SCARA3: variants seen among roughly 807,000 people sequenced by gnomAD.
SCARA3 encodes the protein cellular stress response gene protein.
In SCARA3, 39 loss-of-function variants were observed where a neutral mutation model predicts 47.0. The observed-to-expected ratio is 0.83, with a 90% confidence interval of 0.64 to 1.08. SCARA3 has a LOEUF of 1.08. Among genes scored for constraint, SCARA3 ranks in the 50% least tolerant of loss-of-function variants. The pLI, the probability that SCARA3 is intolerant of heterozygous loss-of-function variation, is 0.00. For synonymous variants in SCARA3, 356 were observed against 334.1 expected (o/e 1.07, Z -0.71); for missense variants, 724 against 792.3 (o/e 0.91, Z 1.04).
intron 5 of SCARA3, among the ~76,000 whole-genome samples, chr8:27,669,324 G>T (rs1394351842): frequency 2.0e-5 from 3 of 152,264 alleles, no homozygotes; most frequent in Non-Finnish European, 4.4e-5. Context: ...CTCCGCCTCT[G>T]TATGGCTCTC....
intron 1 of SCARA3, among the ~76,000 whole-genome samples, chr8:27,644,188 CA>C (rs778711765): frequency 1.3e-5 from 2 of 152,172 alleles, no homozygotes; most frequent in African/African-American, 2.4e-5. Flanking sequence ...TAGTGGTCAC[CA>C]CTATTTTATG....
Position 27,649,813 on chromosome 8 carries a change from G to A in SCARA3, c.106+13G>A, listed in dbSNP as rs1801593466. ...TGCACCCAGAAGGGTAAGGACTCTG[G>A]GGCTGCCCCTGATCTCCGCTCTGGG... On this transcript the variant is annotated intron_variant, in intron 2 of 5. Coordinates refer to ENST00000301904, the MANE Select transcript of SCARA3 (RefSeq NM_016240.3). The A allele has an allele frequency of 6.2e-7, 1 of 1,608,194 alleles. No individual in the cohort carries two copies. The highest frequency in any genetic ancestry group is 1.3e-5 in the African/African-American group (1 of 74,818).
the SCARA3 span, among the ~76,000 whole-genome samples, chr8:27,723,553 T>C: frequency 6.6e-6 from 1 of 152,172 alleles, no homozygotes; most frequent in Non-Finnish European, 1.5e-5. Context: ...CATTAAGAGC[T>C]TTGTCCCAGT....
the SCARA3 span, among the ~76,000 whole-genome samples, chr8:27,713,414 A>G: frequency 6.6e-6 from 1 of 152,108 alleles, no homozygotes. Flanking sequence ...TTGTAGAGTA[A>G]CTCTTTCCTC....
intron 5 of SCARA3, among the ~76,000 whole-genome samples, chr8:27,669,013 T>C (rs944947765): frequency 6.6e-6 from 1 of 152,024 alleles, no homozygotes; most frequent in Non-Finnish European, 1.5e-5. Flanking sequence ...TTCTCAGGCT[T>C]TTCCTGAGTC....
In SCARA3 at chr8:27,651,567, C is replaced by T. The variant is rs573630866; in HGVS notation, c.166C>T (p.Arg56Trp). The change falls in exon 3 of 6, where the codon CGG (arginine) becomes TGG (tryptophan). Residue 56 changes from arginine (R) to tryptophan (W), a missense_variant. Coordinates refer to ENST00000301904, the MANE Select transcript of SCARA3 (RefSeq NM_016240.3). ...GAACCTATCTTTGCACACATCGGTG[C>T]GGATTCTTTACCTCTTCCTGGCCCT... is the stretch of plus-strand genomic sequence containing the variant. The part of the protein sequence containing the change: ...QKNLSLHTSV[R>W]ILYLFLALLL... 1.5e-5 allele frequency: 24 copies of T among 1,614,112 alleles called. No individual in the cohort carries two copies. The highest frequency in any genetic ancestry group is 4.0e-5 in the African/African-American group (3 of 75,070).
At chr8:27,681,105 C>A (rs1487076878), downstream of SCARA3, among the ~76,000 whole-genome samples, 2 of 152,082 alleles carry the variant, frequency 1.3e-5, no homozygotes, top group African/African-American at 4.8e-5. Context: ...TTGACTCTTA[C>A]AACTTACAGC....
intron 3 of SCARA3, 90 bp downstream of exon 3, chr8:27,651,717 G>A: frequency 6.5e-7 from 1 of 1,528,890 alleles, no homozygotes; most frequent in Non-Finnish European, 8.9e-7. Flanking sequence ...ACAAACACTT[G>A]ACATCTGTAT....
chr8:27,722,931 C>T, the SCARA3 span, among the ~76,000 whole-genome samples: 2 of 152,132 alleles, frequency 1.3e-5, no homozygotes, highest in Admixed American at 1.3e-4. Flanking sequence ...TATGGCCGCC[C>T]CACCTGAACC....
chr8:27,671,717 T>G lies in SCARA3; in HGVS notation c.*366T>G. On this transcript the variant is annotated 3_prime_UTR_variant, in exon 6 of 6. Transcript: ENST00000301904. ...ACACAGGCACACATGCATGCACACA[T>G]ACACATGCACACACACATGCACACA... 2 of 1,038,682 alleles carry G rather than the reference T, an allele frequency of 1.9e-6. No homozygotes were observed. The highest frequency in any genetic ancestry group is 1.2e-6 in the Non-Finnish European group (1 of 866,604). The allele number at this position is 1,038,682 out of a possible 1,614,324, so 64.3% of individuals were successfully genotyped here. A position where few individuals can be genotyped will look rare whatever the true frequency, so the allele number is the denominator to read the frequency against.
At chr8:27,640,612 T>A (rs1801361406) in intron 1 of SCARA3, among the ~76,000 whole-genome samples, 1 of 151,936 alleles carries the variant, frequency 6.6e-6, no homozygotes, top group African/African-American at 2.4e-5. Flanking sequence ...GCTCCCGACC[T>A]CAAGCAATCC....
At chr8:27,708,608 G>GA in the SCARA3 span, among the ~76,000 whole-genome samples, 5 of 151,844 alleles carry the variant, frequency 3.3e-5, no homozygotes, top group African/African-American at 1.2e-4. Context: ...AAGAAAGGGT[G>GA]AAAAAAATCG....
intron 3 of SCARA3, among the ~76,000 whole-genome samples, chr8:27,654,140 G>A (rs1801692380): frequency 6.6e-6 from 1 of 152,094 alleles, no homozygotes; most frequent in South Asian, 2.1e-4. Flanking sequence ...TTGATGAATG[G>A]GTGAAAGAGA....
At chr8:27,709,623 G>A in the SCARA3 span, among the ~76,000 whole-genome samples, 1 of 152,156 alleles carries the variant, frequency 6.6e-6, no homozygotes, top group African/African-American at 2.4e-5. Context: ...CCTAAATCTG[G>A]AGGGGCAGTG....
chr8:27,638,365 G>T (rs1348568314), intron 1 of SCARA3, among the ~76,000 whole-genome samples: 3 of 148,946 alleles, frequency 2.0e-5, no homozygotes, highest in African/African-American at 7.5e-5. Context: ...TGAGTCCCAA[G>T]GTCAGGCCCA....
the SCARA3 span, among the ~76,000 whole-genome samples, chr8:27,706,098 G>C: frequency 6.6e-6 from 1 of 152,148 alleles, no homozygotes; most frequent in Non-Finnish European, 1.5e-5. Flanking sequence ...GCTGAAGAAG[G>C]GAGTGAAGGT....
rs747596135 is a variant in SCARA3 at position 27,671,039 on chromosome 8, G to A, written c.1509G>A (p.Glu503=). Residue 503 remains glutamate (E), a synonymous_variant, in exon 6 of 6, where the codon GAG becomes GAA. Coordinates refer to ENST00000301904, the MANE Select transcript of SCARA3 (RefSeq NM_016240.3). Reference sequence around the variant, plus strand: ...AGGGTCCTCAGGGGCAACCTGGAGAGGCCGGGCCTGTGGGAGAAAGGGGCC... The same window carrying A: ...AGGGTCCTCAGGGGCAACCTGGAGAAGCCGGGCCTGTGGGAGAAAGGGGCC... The part of the protein sequence containing the change: ...GPQGPQGQPG[E]AGPVGERGPV... 6.2e-7 allele frequency: 1 copy of A among 1,612,642 alleles called. No individual in the cohort carries two copies.
At chr8:27,647,144 C>T (rs894183061) in intron 1 of SCARA3, among the ~76,000 whole-genome samples, 2 of 152,152 alleles carry the variant, frequency 1.3e-5, no homozygotes, top group African/African-American at 4.8e-5. Flanking sequence ...CACATGCACA[C>T]TCATGGGCAA....
intron 5 of SCARA3, among the ~76,000 whole-genome samples, chr8:27,662,179 A>G (rs899238807): frequency 9.2e-5 from 14 of 152,238 alleles, no homozygotes; most frequent in Admixed American, 9.2e-4. Flanking sequence ...GGTCACCAGT[A>G]TAAGAATAAA....
Sources: allele counts gnomAD v4.1 joint callset (sites outside exome capture counted in the v4.1 genomes callset), GRCh38; gene constraint gnomAD v4.1.1; transcripts MANE v1.5; gene names NCBI Gene and HGNC (gene_info 2026-07-23, HGNC 2026-07-21).